The following FBXW7 variants were observed in gnomAD, a reference collection of about 807,000 sequenced individuals.
FBXW7 encodes the protein F-box/WD repeat-containing protein 7.
In FBXW7, 11 loss-of-function variants were observed where a neutral mutation model predicts 86.3. That is an observed-to-expected ratio of 0.13 (90% CI 0.08 to 0.21). The LOEUF (loss-of-function observed/expected upper bound fraction) is 0.21, where lower values mean the gene tolerates loss of function less well. Among genes scored for constraint, FBXW7 ranks in the 10% least tolerant of loss-of-function variants. The pLI, the probability that FBXW7 is intolerant of heterozygous loss-of-function variation, is 1.00. For synonymous variants in FBXW7, 313 were observed against 297.9 expected (o/e 1.05, Z -0.52); for missense variants, 488 against 847.4 (o/e 0.58, Z 5.27).
chr4:152,425,970 G>C (rs1212172801), intron 2 of FBXW7, among the ~76,000 whole-genome samples: 1 of 152,112 alleles, frequency 6.6e-6, no homozygotes, highest in African/African-American at 2.4e-5. Context: ...AGGTAAAGAA[G>C]CAGGATCCCC....
At chr4:152,502,456 G>A (rs935488309) in intron 2 of FBXW7, among the ~76,000 whole-genome samples, 1 of 152,040 alleles carries the variant, frequency 6.6e-6, no homozygotes, top group African/African-American at 2.4e-5. Flanking sequence ...ATCTAACACC[G>A]TACTGCGTTT....
intron 4 of FBXW7, among the ~76,000 whole-genome samples, chr4:152,374,644 G>C (rs976125613): frequency 1.3e-5 from 2 of 152,004 alleles, no homozygotes; most frequent in African/African-American, 4.8e-5. Flanking sequence ...CCTCTGAATT[G>C]TAAGAGTTTA....
chr4:152,344,536 T>G (rs1302649812), intron 6 of FBXW7, among the ~76,000 whole-genome samples: 3 of 152,068 alleles, frequency 2.0e-5, no homozygotes, highest in Non-Finnish European at 4.4e-5. Flanking sequence ...GAATACAGTT[T>G]TTTTTTTTTT....
In FBXW7 at chr4:152,382,357, C is replaced by T. The variant is rs75360200; in HGVS notation, c.501+28946G>A. ...ACATTTTAAAACTCCTCTTGGTTGA[C>T]GAATACTCTCTACATGTAATACAGG... On this transcript the variant is annotated intron_variant, in intron 4 of 13. Transcript: ENST00000281708. 14,677 of 1,547,616 alleles carry T rather than the reference C, an allele frequency of 9.5e-3. 104 individuals carry two copies. Among genetic ancestry groups the T allele is most frequent in the Non-Finnish European group, 0.011 (12,100 of 1,147,660 alleles).
intron 4 of FBXW7, among the ~76,000 whole-genome samples, chr4:152,398,776 G>A (rs1383176236): frequency 6.6e-6 from 1 of 151,878 alleles, no homozygotes; most frequent in Non-Finnish European, 1.5e-5. Flanking sequence ...ATGTCTCTCA[G>A]AAGAGAGGCC....
At chr4:152,368,031 C>G (rs1210920292) in intron 4 of FBXW7, among the ~76,000 whole-genome samples, 3 of 151,836 alleles carry the variant, frequency 2.0e-5, no homozygotes, top group Non-Finnish European at 4.4e-5. Flanking sequence ...AAAAGCTGAA[C>G]AACCTCTCAA....
intron 2 of FBXW7, among the ~76,000 whole-genome samples, chr4:152,508,312 A>G (rs986169584): frequency 6.6e-6 from 1 of 152,176 alleles, no homozygotes; most frequent in African/African-American, 2.4e-5. Flanking sequence ...ATAACAAGGG[A>G]AAGTTCTTCC....
intron 4 of FBXW7, among the ~76,000 whole-genome samples, chr4:152,374,424 G>T (rs1158513601): frequency 6.6e-6 from 1 of 151,812 alleles, no homozygotes; most frequent in Non-Finnish European, 1.5e-5. Context: ...TCTGAGTTTC[G>T]TTAAATTTAG....
chr4:152,446,558 G>A (rs904984220), intron 2 of FBXW7, among the ~76,000 whole-genome samples: 2 of 152,262 alleles, frequency 1.3e-5, no homozygotes, highest in East Asian at 1.9e-4. Flanking sequence ...ATTAATGGCA[G>A]AGCCAAATTA....
chr4:152,378,689 A>G (rs1579043567), intron 4 of FBXW7, among the ~76,000 whole-genome samples: 1 of 152,190 alleles, frequency 6.6e-6, no homozygotes, highest in African/African-American at 2.4e-5. Context: ...TTATGCATTA[A>G]AAGTCCATTT....
At chr4:152,458,702 C>T (rs558342518) in intron 2 of FBXW7, among the ~76,000 whole-genome samples, 1 of 152,298 alleles carries the variant, frequency 6.6e-6, no homozygotes, top group African/African-American at 2.4e-5. Context: ...GTATGACACA[C>T]ATAAAATTCC....
intron 2 of FBXW7, among the ~76,000 whole-genome samples, chr4:152,440,426 G>A (rs555266756): frequency 6.6e-6 from 1 of 152,208 alleles, no homozygotes; most frequent in South Asian, 2.1e-4. Context: ...AACAAAAATT[G>A]ACTTCAGCAT....
intron 6 of FBXW7, 189 bp downstream of exon 6, chr4:152,346,740 TG>T: frequency 1.5e-6 from 1 of 688,948 alleles, no homozygotes; most frequent in Non-Finnish European, 2.3e-6. Context: ...TTGCCTATTC[TG>T]GACATTTCAT....
chr4:152,378,499 A>G (rs1460576128), intron 4 of FBXW7, among the ~76,000 whole-genome samples: 1 of 152,154 alleles, frequency 6.6e-6, no homozygotes, highest in Non-Finnish European at 1.5e-5. Context: ...CACTCTAAAT[A>G]CAATATTTGT....
chr4:152,459,763 CAAT>C (rs1314081513), intron 2 of FBXW7, among the ~76,000 whole-genome samples: 6 of 152,004 alleles, frequency 3.9e-5, no homozygotes, highest in Non-Finnish European at 7.4e-5. Context: ...TTAACAACAA[CAAT>C]AATAAAAAAG....
intron 4 of FBXW7, chr4:152,352,898 G>A: frequency 6.9e-7 from 1 of 1,441,120 alleles, no homozygotes; most frequent in Non-Finnish European, 9.1e-7. Context: ...GTGCAGTCCA[G>A]GATTCAGCAA....
chr4:152,530,070 TACACACACACACACACACAC>T (rs200498212), intron 2 of FBXW7, among the ~76,000 whole-genome samples: 1 of 124,660 alleles, frequency 8.0e-6, no homozygotes, highest in Non-Finnish European at 1.7e-5. Context: ...AAAAAAAAAA[TACACACACACACACACACAC>T]ACACACACAC....
At chr4:152,341,436 T>C (rs1428056569) in intron 6 of FBXW7, among the ~76,000 whole-genome samples, 1 of 152,174 alleles carries the variant, frequency 6.6e-6, no homozygotes, top group African/African-American at 2.4e-5. Flanking sequence ...TTGCAACCAG[T>C]TCCAAACTCA....
intron 6 of FBXW7, among the ~76,000 whole-genome samples, chr4:152,339,778 C>T (rs907311072): frequency 1.3e-5 from 2 of 151,794 alleles, no homozygotes; most frequent in Non-Finnish European, 2.9e-5. Flanking sequence ...CCCATCTCTA[C>T]AAAAAAATTA....
Sources: gnomAD v4.1 joint callset for allele counts (sites outside exome capture counted in the v4.1 genomes callset) on GRCh38, gnomAD v4.1.1 for gene constraint, MANE v1.5 for transcripts, NCBI Gene and HGNC (gene_info 2026-07-23, HGNC 2026-07-21) for gene names.